TDP1: variants seen among roughly 807,000 people sequenced by gnomAD.
TDP1 encodes the protein tyr-DNA phosphodiesterase 1.
A neutral mutation model predicts 81.5 loss-of-function variants in TDP1; 64 were observed. The observed-to-expected ratio is 0.79, with a 90% CI of 0.64 to 0.97. The LOEUF (loss-of-function observed/expected upper bound fraction) is 0.97, where lower values mean the gene tolerates loss of function less well. TDP1 is among the 50% of genes least tolerant of loss of function. The probability of loss-of-function intolerance (pLI) is 0.00; values close to 1 mark genes in which losing one functional copy is unlikely to be tolerated. For missense variants in TDP1, 723 were observed against 743.8 expected (o/e 0.97, Z 0.33); for synonymous variants, 256 against 264.3 (o/e 0.97, Z 0.30).
Position 89,989,212 on chromosome 14 carries a change from G to T in TDP1, c.1317+122G>T, listed in dbSNP as rs1009967706. ...CTGTGATTCTTTTTTTTTTTTTGGC[G>T]TGGCGGGGGCGGGGTGCGGAAAGAG... On this transcript the variant is annotated intron_variant, in intron 11 of 16. Coordinates refer to ENST00000335725, the MANE Select transcript of TDP1 (RefSeq NM_018319.4). 3.8e-6 allele frequency: 5 copies of T among 1,329,370 alleles called. No homozygotes were observed. The East Asian group carries it at 7.9e-5, about 21-fold the overall frequency. The allele number at this position is 1,329,370 out of a possible 1,614,324, so 82.3% of individuals were successfully genotyped here. A position where few individuals can be genotyped will look rare whatever the true frequency, so the allele number is the denominator to read the frequency against.
Position 89,989,741 on chromosome 14 carries a change from C to T in TDP1, c.1342C>T (p.Arg448Trp), listed in dbSNP as rs141725364. The T allele has an allele frequency of 9.4e-5, 151 of 1,610,758 alleles. 1 individual carries two copies. The highest frequency in any genetic ancestry group is 1.2e-4 in the Non-Finnish European group (140 of 1,177,168). The change falls in exon 12 of 17, where the codon CGG becomes TGG. Residue 448 changes from arginine (R) to tryptophan (W), a missense_variant. Physicochemically the swap from Arg to Trp is moderately radical, Grantham distance 101. Coordinates refer to ENST00000335725, the MANE Select transcript of TDP1 (RefSeq NM_018319.4). Reference sequence around the variant, plus strand: ...GATCTATCCTTCTGTGGAAAATGTGCGGACCAGTTTAGAAGGATATCCTGG... The same window carrying T: ...GATCTATCCTTCTGTGGAAAATGTGTGGACCAGTTTAGAAGGATATCCTGG... ...YLIYPSVENV[R>W]TSLEGYPAGG...
At chr14:89,990,951 C>T (rs1264044723) in intron 12 of TDP1, among the ~76,000 whole-genome samples, 1 of 152,138 alleles carries the variant, frequency 6.6e-6, no homozygotes, top group Admixed American at 6.5e-5. Flanking sequence ...TTTCTTTATT[C>T]TCTTTGCAAG....
chr14:89,977,002 A>G (rs905101834), intron 7 of TDP1, among the ~76,000 whole-genome samples: 1 of 152,092 alleles, frequency 6.6e-6, no homozygotes, highest in African/African-American at 2.4e-5. Flanking sequence ...AAAAATATAA[A>G]AATTAGCCGG....
At chr14:90,016,703 A>G (rs967353929) in intron 14 of TDP1, among the ~76,000 whole-genome samples, 11 of 152,114 alleles carry the variant, frequency 7.2e-5, no homozygotes, top group Admixed American at 2.0e-4. Context: ...CAATTACATG[A>G]TAATAAATTC....
Position 89,963,127 on chromosome 14 carries a change from G to C in TDP1, c.13G>C (p.Gly5Arg). 1 of 1,614,104 alleles carries C rather than the reference G, an allele frequency of 6.2e-7. No individual in the cohort carries two copies. Among genetic ancestry groups the C allele is most frequent in the South Asian group, 1.1e-5 (1 of 91,076 alleles). Residue 5 changes from glycine (G) to arginine (R), a missense_variant, in exon 3 of 17, where the codon GGC becomes CGC. Transcript: ENST00000335725. MSQE[G>R]DYGRWTISSS... Reference sequence around the variant, plus strand: ...TTCCAGGAGTATAATGTCTCAGGAAGGCGATTATGGGAGGTGGACCATATC... The same window carrying C: ...TTCCAGGAGTATAATGTCTCAGGAACGCGATTATGGGAGGTGGACCATATC...
chr14:89,965,999 A>AT (rs1051833221), intron 3 of TDP1, 148 bp from the exon 4 acceptor site: 3 of 1,030,512 alleles, frequency 2.9e-6, no homozygotes, highest in Non-Finnish European at 4.3e-6. Flanking sequence ...TTTATGAAAC[A>AT]TTAAAGTCTG....
rs1006973314 is a variant in TDP1, at chr14:89,961,870, G to A, written c.-7-1238G>A. Among the ~76,000 whole-genome samples the A allele has an allele frequency of 2.6e-5, 4 of 152,162 alleles. No homozygotes were observed. In the East Asian group the frequency reaches 5.8e-4, roughly 22 times the overall value. On this transcript the variant is annotated intron_variant, in intron 2 of 16. Transcript: ENST00000335725. ...CATCTTTTCCAGCCTCATTAAAACA[G>A]CAGAAACTCGAAGATACTGTTGATC... is the stretch of plus-strand genomic sequence containing the variant.
At position 89,969,601 on chromosome 14, in the gene TDP1, G is replaced by T. The variant is rs200606414; in HGVS notation, c.660-1574G>T. On this transcript the variant is annotated intron_variant, in intron 5 of 16. Transcript: ENST00000335725. ...GCACGTGTGTTTCTTACATTATTCTGTTTTTCTTACCTAATTTCTAAAAAT... is the reference window on the plus strand; with the variant it reads ...GCACGTGTGTTTCTTACATTATTCTTTTTTTCTTACCTAATTTCTAAAAAT... Among the ~76,000 whole-genome samples the T allele has an allele frequency of 3.3e-5, 5 of 152,056 alleles. No homozygotes were observed. The East Asian group carries it at 9.6e-4, about 29-fold the overall frequency.
chr14:90,020,370 CCCTCCCTT>C (rs1168889613), intron 15 of TDP1, among the ~76,000 whole-genome samples: 2 of 122,702 alleles, frequency 1.6e-5, no homozygotes, highest in Admixed American at 1.6e-4. Context: ...CTCCCTCCCT[CCCTCCCTT>C]CCTTCCTTCC....
At chr14:90,015,750 G>A (rs1885234601) in intron 14 of TDP1, among the ~76,000 whole-genome samples, 1 of 152,154 alleles carries the variant, frequency 6.6e-6, no homozygotes, top group Non-Finnish European at 1.5e-5. Flanking sequence ...TCATTCATGA[G>A]GACCCCCTCC....
At position 89,984,611 on chromosome 14, in the gene TDP1, T is replaced by A; in HGVS notation, c.980T>A (p.Leu327Ter). 6.2e-7 allele frequency: 1 copy of A among 1,614,162 alleles called. No homozygotes were observed. Among genetic ancestry groups the A allele is most frequent in the Non-Finnish European group, 8.5e-7 (1 of 1,180,024 alleles). ...THFKADLISY[L>*]MAYNAPSLKE... ...TTTAAAGCTGATCTCATCAGTTACT[T>A]GATGGCTTATAATGCCCCTTCTCTC... Residue 327 changes from leucine (L) to a stop codon, truncating the protein, a stop_gained, in exon 9 of 17, where the codon TTG becomes TAG. Transcript: ENST00000335725. LOFTEE classifies it high-confidence loss of function.
At chr14:89,977,974 C>T (rs184873131) in intron 7 of TDP1, among the ~76,000 whole-genome samples, 1 of 152,266 alleles carries the variant, frequency 6.6e-6, no homozygotes, top group African/African-American at 2.4e-5. Context: ...CTCCAAGAAT[C>T]GATAGAGGGG....
rs907819042 is a variant in TDP1 at position 90,020,729 on chromosome 14, A to G, written c.1644+1311A>G. On this transcript the variant is annotated intron_variant, in intron 15 of 16. Transcript: ENST00000335725. ...CAAAGCTCCATTGTGGACAACACCA[A>G]CTGGACCAGATGATTTAGCTGAGGG... is the stretch of plus-strand genomic sequence containing the variant. 3.5e-5 allele frequency among the ~76,000 whole-genome samples: 5 copies of G among 141,924 alleles called. No individual in the cohort carries two copies. In the South Asian group the frequency reaches 7.2e-4, roughly 20 times the overall value. 93.1% of individuals were successfully genotyped at this position (141,924 alleles called of 152,430 possible).
chr14:90,023,070 G>A (rs776544229), intron 15 of TDP1: 29 of 762,036 alleles, frequency 3.8e-5, no homozygotes, highest in Admixed American at 2.7e-4. Context: ...TGGAGGCTTC[G>A]TTCTCTGGTA....
At position 89,991,994 on chromosome 14, in the gene TDP1, G is replaced by A; in HGVS notation, c.1433+11G>A. The A allele has an allele frequency of 6.2e-7, 1 of 1,608,810 alleles. No individual in the cohort carries two copies. Among genetic ancestry groups the A allele is most frequent in the Non-Finnish European group, 8.5e-7 (1 of 1,176,684 alleles). On this transcript the variant is annotated intron_variant, in intron 13 of 16. Transcript: ENST00000335725. ...GCATTCCTATTTTCAGTAAGTAATT[G>A]GTTTAGACTGCTGCTATTGCTTCTT...
At chr14:90,028,157 T>C (rs1886872208) in intron 15 of TDP1, among the ~76,000 whole-genome samples, 1 of 152,196 alleles carries the variant, frequency 6.6e-6, no homozygotes, top group Non-Finnish European at 1.5e-5. Context: ...GCACTTCCAG[T>C]TGTTGATCCT....
At chr14:89,968,104 C>T (rs1192026029) in intron 5 of TDP1, among the ~76,000 whole-genome samples, 1 of 149,856 alleles carries the variant, frequency 6.7e-6, no homozygotes, top group African/African-American at 2.4e-5. Context: ...AAACCTTTGA[C>T]ATTAACAGTA....
At chr14:89,993,138 A>G in intron 13 of TDP1, 3 of 984,602 alleles carry the variant, frequency 3.0e-6, no homozygotes, top group Non-Finnish European at 3.6e-6. Context: ...CATGGCAAAA[A>G]TGGAAAGGCT....
chr14:90,006,677 C>A (rs1364445546), intron 14 of TDP1, among the ~76,000 whole-genome samples: 1 of 152,184 alleles, frequency 6.6e-6, no homozygotes, highest in Non-Finnish European at 1.5e-5. Flanking sequence ...GCTGGGATTA[C>A]AGGTGCCCGC....
Sources: allele counts gnomAD v4.1 joint callset (sites outside exome capture counted in the v4.1 genomes callset), GRCh38; gene constraint gnomAD v4.1.1; transcripts MANE v1.5; gene names NCBI Gene and HGNC (gene_info 2026-07-23, HGNC 2026-07-21).